UBA7: variants seen among roughly 807,000 people sequenced by gnomAD.
UBA7 encodes the protein ubiquitin like modifier activating enzyme 7.
UBA7 carries 88 observed loss-of-function variants against 113.0 expected under a neutral mutation model. The observed-to-expected ratio is 0.78, with a 90% CI of 0.66 to 0.93. The LOEUF (loss-of-function observed/expected upper bound fraction) is 0.93, where lower values mean the gene tolerates loss of function less well. UBA7 is among the 40% of genes least tolerant of loss of function. UBA7 has a pLI of 0.00. For synonymous variants in UBA7, 459 were observed against 513.0 expected, an observed-to-expected ratio of 0.89 and a Z score of 1.42; for missense variants, 1,092 against 1,266.4, an observed-to-expected ratio of 0.86 and a Z score of 2.09.
At chr3:49,811,134 AC>A in intron 9 of UBA7, 43 bp from the exon 10 acceptor site, 2 of 1,608,134 alleles carry the variant, frequency 1.2e-6, no homozygotes, top group Non-Finnish European at 1.7e-6. Context: ...CCACCTCCTG[AC>A]CCCCCTCAGA....
intron 19 of UBA7, 127 bp from the exon 20 acceptor site, chr3:49,808,239 G>A: frequency 1.3e-6 from 2 of 1,512,174 alleles, no homozygotes; most frequent in Non-Finnish European, 1.8e-6. Context: ...CTCTTGATCA[G>A]ACAGGCTGAG....
intron 21 of UBA7, 100 bp from the exon 22 acceptor site, chr3:49,806,265 G>T: frequency 1.3e-5 from 9 of 689,856 alleles, no homozygotes; most frequent in East Asian, 3.8e-5. Context: ...GGACTAGCAG[G>T]AAACAGGAGC....
In UBA7 at chr3:49,810,630, CAA is replaced by C. The variant is rs777397827; in HGVS notation, c.1352_1353del (p.Phe451CysfsTer17). The C allele has an allele frequency of 1.1e-5, 17 of 1,614,166 alleles. No homozygotes were observed. In the East Asian group the frequency reaches 1.8e-4, roughly 17 times the overall value. On this transcript the variant is annotated frameshift_variant, in exon 12 of 24. Coordinates refer to ENST00000333486, the MANE Select transcript of UBA7 (RefSeq NM_003335.3). LOFTEE classifies it high-confidence loss of function. The surrounding 1 kb of genome is among the most constrained non-coding windows in gnomAD (Gnocchi z 5.6). ...GAIGCELLKV[F>X]ALVGLGAGNS... ...TTCCCGGCCCCCAGTCCCACTAGGG[CAA>C]AGACTTTGAGCAGCTCACAACCAAT... is the stretch of plus-strand genomic sequence containing the variant.
rs749658872 is a variant in UBA7, at chr3:49,806,105, T to G, written c.2776A>C (p.Arg926=). 3.8e-6 allele frequency: 6 copies of G among 1,599,310 alleles called. 1 individual carries two copies. In the South Asian group the frequency reaches 6.8e-5, roughly 18 times the overall value. ...TGAGCCAGCAGCGACTCCAGGGTCCTCTCAGGCTGCCCAGCTGGTACCTTC... is the reference window on the plus strand; with the variant it reads ...TGAGCCAGCAGCGACTCCAGGGTCCGCTCAGGCTGCCCAGCTGGTACCTTC... ...RLKVPAGQPE[R]TLESLLAHLQ... The change falls in exon 22 of 24, where the codon AGG becomes CGG. Residue 926 remains arginine, a synonymous_variant. Transcript: ENST00000333486.
chr3:49,805,852 C>G (rs1197837747), intron 23 of UBA7, 45 bp downstream of exon 23: 1 of 1,521,170 alleles, frequency 6.6e-7, no homozygotes, highest in Middle Eastern at 1.9e-4. Flanking sequence ...TAGCCCCAGC[C>G]TCCAGGGACT....
In UBA7 at chr3:49,812,009, AG is replaced by A. The variant is rs763969979; in HGVS notation, c.799del (p.Leu267TrpfsTer63). 1 of 1,614,202 alleles carries A rather than the reference AG, an allele frequency of 6.2e-7. No individual in the cohort carries two copies. The highest frequency in any genetic ancestry group is 1.1e-5 in the South Asian group (1 of 91,090). On this transcript the variant is annotated frameshift_variant, in exon 8 of 24. Transcript: ENST00000333486. LOFTEE classifies it high-confidence loss of function. ...ATGGGGCTGGAGCAGGGCTGTGTCC[AG>A]GGACTTCTGCAAGGGCACCTGGCTC... is the stretch of plus-strand genomic sequence containing the variant. ...KRPKTVRHKS[L>X]DTALLQPHVV...
Position 49,811,406 on chromosome 3 carries a change from T to C in UBA7, c.989A>G (p.Lys330Arg), listed in dbSNP as rs1480073679. Residue 330 changes from lysine to arginine, a missense_variant, in exon 9 of 24, where the codon AAG becomes AGG. Physicochemically the swap from Lys to Arg is conservative, Grantham distance 26 (BLOSUM62 2). Around this residue, in one of 3 missense-constraint regions of UBA7, gnomAD observed 584 missense variants for 714.5 expected, o/e 0.82. Transcript: ENST00000333486. ...TTCCAGTGGCTCTTCCTCTGTCCGC[T>C]TCAGTGGTTCCAGGTCCCGGGCCAG... is the stretch of plus-strand genomic sequence containing the variant. ...VGLARDLEPL[K>R]RTEEEPLEEP... The C allele has an allele frequency of 1.2e-6, 2 of 1,609,450 alleles. No homozygotes were observed. Among genetic ancestry groups the C allele is most frequent in the Non-Finnish European group, 8.5e-7 (1 of 1,178,074 alleles).
At position 49,813,286 on chromosome 3, in the gene UBA7, G is replaced by A. The variant is rs761503014; in HGVS notation, c.323C>T (p.Thr108Met). 61 of 1,614,068 alleles carry A rather than the reference G, an allele frequency of 3.8e-5. No individual in the cohort carries two copies. The highest frequency in any genetic ancestry group is 3.3e-4 in the Middle Eastern group (2 of 6,084). ...LNRAVQVVVH[T>M]GDITEDLLLD... ...CAGCAGGTCCTCAGTGATGTCACCC[G>A]TGTGCACGACGACCTGGACAGCTCT... Residue 108 changes from threonine (T) to methionine (M), a missense_variant, in exon 3 of 24, where the codon ACG (threonine) becomes ATG (methionine). Thr to Met is a moderately conservative substitution (Grantham distance 81). Transcript: ENST00000333486.
At chr3:49,809,752 C>T (rs1397156850) in intron 15 of UBA7, 27 bp from the exon 16 acceptor site, 1 of 1,614,134 alleles carries the variant, frequency 6.2e-7, no homozygotes, top group South Asian at 1.1e-5. Flanking sequence ...AAGTGTGAGA[C>T]TGAGTCCTGC....
At chr3:49,808,519 T>C (rs1299304552) in intron 18 of UBA7, 51 bp from the exon 19 acceptor site, 2 of 1,581,836 alleles carry the variant, frequency 1.3e-6, no homozygotes, top group Non-Finnish European at 1.7e-6. Context: ...TCTCCTGCAC[T>C]CTTCTTGGAG....
In UBA7 at chr3:49,813,941, T is replaced by TA; in HGVS notation, c.-155_-154insT. 1 of 555,716 alleles carries TA rather than the reference T, an allele frequency of 1.8e-6. No individual in the cohort carries two copies. Among genetic ancestry groups the TA allele is most frequent in the Non-Finnish European group, 3.0e-6 (1 of 332,022 alleles). 34.4% of individuals were successfully genotyped at this position (555,716 alleles called of 1,614,324 possible). ...GGGACGCTGCTGGTCACAGCTCTCT[T>TA]CCTGGAGAAAAGAAAAGTGAAAGTT... On this transcript the variant is annotated 5_prime_UTR_variant, in exon 1 of 24. Transcript: ENST00000333486.
chr3:49,809,249 TG>T, intron 17 of UBA7, 90 bp from the exon 18 acceptor site: 1 of 1,538,040 alleles, frequency 6.5e-7, no homozygotes, highest in Non-Finnish European at 8.8e-7. Flanking sequence ...TGCCTGCCTT[TG>T]CCTCACATGT....
chr3:49,809,909 C>A (rs777660112), intron 14 of UBA7, 30 bp from the exon 15 acceptor site: 2 of 1,614,100 alleles, frequency 1.2e-6, no homozygotes, highest in South Asian at 2.2e-5. Flanking sequence ...AATGAGGTAT[C>A]AGGTGGAGAA....
At chr3:49,809,368 C>T in intron 17 of UBA7, 22 bp downstream of exon 17, 4 of 1,611,846 alleles carry the variant, frequency 2.5e-6, no homozygotes, top group Non-Finnish European at 3.4e-6. Flanking sequence ...TATCTTGGAG[C>T]TCCCTACAGA....
At position 49,810,889 on chromosome 3, in the gene UBA7, TGA is replaced by T; in HGVS notation, c.1231-59_1231-58del. ...ACTGGCCTGCATCTCCTTCTTATAC[TGA>T]GTTTTCTGAATCAGGACCTGGAGGG... is the stretch of plus-strand genomic sequence containing the variant. On this transcript the variant is annotated intron_variant, in intron 10 of 23. Coordinates refer to ENST00000333486, the MANE Select transcript of UBA7 (RefSeq NM_003335.3). This position sits in a 1 kb window ranked among gnomAD's most constrained non-coding sequence, Gnocchi z 5.6. 8 of 1,611,772 alleles carry T rather than the reference TGA, an allele frequency of 5.0e-6. No homozygotes were observed. Among genetic ancestry groups the T allele is most frequent in the Non-Finnish European group, 6.8e-6 (8 of 1,177,932 alleles).
In UBA7 at chr3:49,807,948, G is replaced by T. The variant is rs1256127301; in HGVS notation, c.2524-21C>A. ...TTGCTCTGCCAAGGACAAGAGATTT[G>T]GTCTGGGCCCAAGGCGTAGGGCCAG... is the stretch of plus-strand genomic sequence containing the variant. On this transcript the variant is annotated intron_variant, in intron 20 of 23. Coordinates refer to ENST00000333486, the MANE Select transcript of UBA7 (RefSeq NM_003335.3). This position sits in a 1 kb window ranked among gnomAD's most constrained non-coding sequence, Gnocchi z 4.0. 6.2e-7 allele frequency: 1 copy of T among 1,613,184 alleles called. No homozygotes were observed. Among genetic ancestry groups the T allele is most frequent in the Non-Finnish European group, 8.5e-7 (1 of 1,179,334 alleles).
chr3:49,809,612 G>T lies in UBA7; in HGVS notation c.2018C>A (p.Ala673Asp). The T allele has an allele frequency of 6.2e-7, 1 of 1,614,128 alleles. No individual in the cohort carries two copies. Among genetic ancestry groups the T allele is most frequent in the South Asian group, 1.1e-5 (1 of 91,086 alleles). ...AAAGCAGAGTTTCCAGTGGCCAAGA[G>T]CCCACGCCACACAGTCTTGCCAGTT... is the stretch of plus-strand genomic sequence containing the variant. ...PQNWQDCVAW[A>D]LGHWKLCFHY... Residue 673 changes from alanine (A) to aspartate (D), a missense_variant, in exon 16 of 24, where the codon GCT (alanine) becomes GAT (aspartate). Around this residue, in one of 3 missense-constraint regions of UBA7, gnomAD observed 500 missense variants for 529.3 expected, o/e 0.94. Coordinates refer to ENST00000333486, the MANE Select transcript of UBA7 (RefSeq NM_003335.3).
Position 49,807,705 on chromosome 3 carries a change from T to C in UBA7, c.2715+31A>G, listed in dbSNP as rs1165326056. 5 of 1,571,144 alleles carry C rather than the reference T, an allele frequency of 3.2e-6. No individual in the cohort carries two copies. The African/African-American group carries it at 4.1e-5, about 13-fold the overall frequency. ...AGGTGCAGGGGAAACCCAGGCCTAG[T>C]AGGGCTAAGGGTGGGGTATCATGGG... On this transcript the variant is annotated intron_variant, in intron 21 of 23. Transcript: ENST00000333486. The surrounding 1 kb of genome is among the most constrained non-coding windows in gnomAD (Gnocchi z 4.0).
chr3:49,811,501 A>C, intron 8 of UBA7, 46 bp from the exon 9 acceptor site: 1 of 1,548,938 alleles, frequency 6.5e-7, no homozygotes, highest in South Asian at 1.2e-5. Flanking sequence ...CCTGAGCTCT[A>C]CTCCTGACTC....
Sources: allele counts gnomAD v4.1 joint callset, GRCh38; gene constraint gnomAD v4.1.1; regional missense constraint gnomAD v4.1.1; non-coding constraint Gnocchi (gnomAD v3.1); transcripts MANE v1.5; gene names NCBI Gene and HGNC (gene_info 2026-07-23, HGNC 2026-07-21).